ATP2B2: variants seen among roughly 807,000 people sequenced by gnomAD.
ATP2B2 encodes the protein plasma membrane calcium-transporting ATPase 2.
Under a neutral mutation model 120.0 loss-of-function variants are expected in ATP2B2, and 15 were observed. That is an observed-to-expected ratio of 0.12 (90% confidence interval 0.08 to 0.19). The LOEUF is 0.19. Among genes scored for constraint, ATP2B2 ranks in the 10% least tolerant of loss-of-function variants. The probability of loss-of-function intolerance (pLI) is 1.00; values close to 1 mark genes in which losing one functional copy is unlikely to be tolerated. For missense variants in ATP2B2, 1,045 were observed against 1,719.8 expected, an observed-to-expected ratio of 0.61 and a Z score of 6.94; for synonymous variants, 694 against 700.3, an observed-to-expected ratio of 0.99 and a Z score of 0.14.
chr3:10,647,794 A>G (rs540434557), intron 1 of ATP2B2, among the ~76,000 whole-genome samples: 1 of 152,360 alleles, frequency 6.6e-6, no homozygotes, highest in South Asian at 2.1e-4. Context: ...ATGGTGATGA[A>G]TAAAAGAGCA....
rs900768413 is a variant in ATP2B2 at position 10,346,209 on chromosome 3, C to T, written c.2405-72G>A. The T allele has an allele frequency of 2.6e-5, 38 of 1,474,354 alleles. No individual in the cohort carries two copies. The highest frequency in any genetic ancestry group is 4.6e-5 in the East Asian group (2 of 43,644). 91.3% of individuals were successfully genotyped at this position (1,474,354 alleles called of 1,614,324 possible). On this transcript the variant is annotated intron_variant, in intron 16 of 22. Coordinates refer to ENST00000360273, the MANE Select transcript of ATP2B2 (RefSeq NM_001001331.4). The surrounding 1 kb of genome is among the most constrained non-coding windows in gnomAD (Gnocchi z 4.1). ...GGCAGCCTGGGCCAGCCCTGGTCCT[C>T]GGGAGGGGCCTGGCTGGGCATGGCT...
intron 1 of ATP2B2, among the ~76,000 whole-genome samples, chr3:10,460,329 C>T (rs2064434644): frequency 6.6e-6 from 1 of 152,172 alleles, no homozygotes; most frequent in Non-Finnish European, 1.5e-5. Context: ...TGGGAGCTGT[C>T]CTCAAGGGCA....
At chr3:10,365,827 T>C (rs79925666) in intron 12 of ATP2B2, among the ~76,000 whole-genome samples, 17 of 216 alleles carry the variant, frequency 0.079, 1 homozygote, top group Non-Finnish European at 0.22. Context: ...TGTGTGTGTG[T>C]TGTATGTGCA....
At chr3:10,526,105 GT>G (rs1335900918) in intron 3 of ATP2B2, among the ~76,000 whole-genome samples, 1 of 152,212 alleles carries the variant, frequency 6.6e-6, no homozygotes, top group Non-Finnish European at 1.5e-5. Context: ...GGATTATTGT[GT>G]GTGTAATATT....
chr3:10,552,348 T>A (rs2067687936), intron 2 of ATP2B2, among the ~76,000 whole-genome samples: 1 of 152,232 alleles, frequency 6.6e-6, no homozygotes, highest in Non-Finnish European at 1.5e-5. Flanking sequence ...CGAACCCCCT[T>A]GCTGCAACGT....
At chr3:10,467,228 A>T (rs2064784869) in intron 1 of ATP2B2, among the ~76,000 whole-genome samples, 2 of 152,210 alleles carry the variant, frequency 1.3e-5, no homozygotes, top group Non-Finnish European at 2.9e-5. Flanking sequence ...CCACTGAAAC[A>T]TCTACATGGG....
rs780064942 is a variant in ATP2B2 at position 10,635,184 on chromosome 3, A to G, written c.-459-15223T>C. Among the ~76,000 whole-genome samples, 6 of 152,040 alleles carry G rather than the reference A, an allele frequency of 3.9e-5. No individual in the cohort carries two copies. Among genetic ancestry groups the G allele is most frequent in the African/African-American group, 1.4e-4 (6 of 41,392 alleles). ...CAGCTCAAGGTTGCCTGAGCTTCCA[A>G]TTTTCAAGAGAAGTTGGAAATCCAG... On this transcript the variant is annotated intron_variant, in intron 1 of 21. Transcript: ENST00000646379. This position sits in a 1 kb window ranked among gnomAD's most constrained non-coding sequence, Gnocchi z 4.3.
upstream of ATP2B2, chr3:10,505,725 G>A (rs1393160856): frequency 6.9e-6 from 1 of 144,550 alleles, no homozygotes; most frequent in African/African-American, 2.6e-5. Flanking sequence ...GGATGGGGGC[G>A]GGAGGAGGGA....
chr3:10,640,532 G>A (rs1430481794), intron 1 of ATP2B2, among the ~76,000 whole-genome samples: 2 of 152,208 alleles, frequency 1.3e-5, no homozygotes, highest in Non-Finnish European at 2.9e-5. Flanking sequence ...TCCTGGAGAA[G>A]TGCAGGCATT....
At chr3:10,421,076 C>A (rs999757926) in intron 2 of ATP2B2, among the ~76,000 whole-genome samples, 3 of 152,176 alleles carry the variant, frequency 2.0e-5, no homozygotes, top group African/African-American at 7.2e-5. Context: ...GAGTCACACA[C>A]TCTTGGATGG....
intron 1 of ATP2B2, among the ~76,000 whole-genome samples, chr3:10,490,839 G>T (rs1424504539): frequency 3.9e-5 from 6 of 152,228 alleles, no homozygotes; most frequent in African/African-American, 1.2e-4. Flanking sequence ...TGGCCTCTCT[G>T]TGACTTTCTC....
At chr3:10,486,276 A>G (rs144953438) in intron 1 of ATP2B2, among the ~76,000 whole-genome samples, 3 of 151,912 alleles carry the variant, frequency 2.0e-5, no homozygotes, top group Non-Finnish European at 2.9e-5. Flanking sequence ...CAGGGATTTA[A>G]TGAGATGACA....
At chr3:10,618,672 G>A (rs951067803) in intron 2 of ATP2B2, among the ~76,000 whole-genome samples, 7 of 152,144 alleles carry the variant, frequency 4.6e-5, no homozygotes, top group Non-Finnish European at 8.8e-5. Flanking sequence ...CCAGAGGCCT[G>A]CTGTCTTCTG....
chr3:10,349,961 A>C, intron 16 of ATP2B2, 151 bp downstream of exon 16: 1 of 744,738 alleles, frequency 1.3e-6, no homozygotes. Context: ...GGGGCTGAAA[A>C]GGGGGTGACA....
intron 1 of ATP2B2, among the ~76,000 whole-genome samples, chr3:10,461,115 T>C (rs1353378135): frequency 2.0e-5 from 3 of 152,198 alleles, no homozygotes; most frequent in Non-Finnish European, 2.9e-5. Context: ...AGTAGGACTC[T>C]TGGATTCAAA....
At chr3:10,394,199 G>A (rs113862653) in intron 5 of ATP2B2, among the ~76,000 whole-genome samples, 5,246 of 152,142 alleles carry the variant, frequency 0.034, 133 homozygotes, top group African/African-American at 0.067. Context: ...AGAAGGGATG[G>A]AGGCTATTTC....
At chr3:10,558,872 A>G (rs2067839307) in intron 2 of ATP2B2, among the ~76,000 whole-genome samples, 1 of 152,090 alleles carries the variant, frequency 6.6e-6, no homozygotes, top group African/African-American at 2.4e-5. Context: ...GAAAGAGGAG[A>G]GGAGAGAACG....
At chr3:10,471,876 C>G (rs377620155) in intron 1 of ATP2B2, among the ~76,000 whole-genome samples, 2 of 151,694 alleles carry the variant, frequency 1.3e-5, no homozygotes, top group Non-Finnish European at 2.9e-5. Flanking sequence ...GTCAGGAGAT[C>G]GAGACCATCC....
At position 10,504,908 on chromosome 3, in the gene ATP2B2, C is replaced by A. The variant is rs1421482926; in HGVS notation, c.-320+557G>T. Among the ~76,000 whole-genome samples, 17 of 152,118 alleles carry A rather than the reference C, an allele frequency of 1.1e-4. 1 individual carries two copies. The highest frequency in any genetic ancestry group is 1.1e-3 in the Admixed American group (17 of 15,282). On this transcript the variant is annotated intron_variant, in intron 1 of 22. Coordinates refer to ENST00000360273, the MANE Select transcript of ATP2B2 (RefSeq NM_001001331.4). ...GAACACGTCCCTGCCACCACATGAC[C>A]CGGCTGGCCTGACCCAATGAGTCCC...
Sources: allele counts gnomAD v4.1 joint callset (sites outside exome capture counted in the v4.1 genomes callset), GRCh38; gene constraint gnomAD v4.1.1; non-coding constraint Gnocchi (gnomAD v3.1); transcripts MANE v1.5; gene names NCBI Gene and HGNC (gene_info 2026-07-23, HGNC 2026-07-21).